PRKCH: variants seen among roughly 807,000 people sequenced by gnomAD.
The protein encoded by PRKCH is protein kinase C eta type.
In PRKCH, 28 loss-of-function variants were observed where a neutral mutation model predicts 82.5. That is an observed-to-expected ratio of 0.34 (90% CI 0.25 to 0.47). The LOEUF is 0.47. Ranked by LOEUF, PRKCH falls within the 20% of genes least tolerant of loss-of-function variation. The probability of loss-of-function intolerance (pLI) is 1.00; values close to 1 mark genes in which losing one functional copy is unlikely to be tolerated. For synonymous variants in PRKCH, 322 were observed against 327.4 expected (o/e 0.98, Z 0.18); for missense variants, 705 against 881.8 (o/e 0.80, Z 2.54).
At chr14:61,278,382 A>G (rs1355893256) in intron 1 of PRKCH, 1 of 152,244 alleles carries the variant, frequency 6.6e-6, no homozygotes, top group African/African-American at 2.4e-5. Flanking sequence ...TATGTAAATA[A>G]TGGGATAGAA....
At chr14:61,235,656 T>C (rs2044781525) in intron 1 of PRKCH, among the ~76,000 whole-genome samples, 1 of 152,242 alleles carries the variant, frequency 6.6e-6, no homozygotes, top group African/African-American at 2.4e-5. Flanking sequence ...GCAACCACTT[T>C]ACATAAAGCA....
At chr14:61,513,961 A>C (rs1482868047) in intron 10 of PRKCH, among the ~76,000 whole-genome samples, 2 of 152,100 alleles carry the variant, frequency 1.3e-5, no homozygotes, top group Non-Finnish European at 2.9e-5. Context: ...GAGGCCCAGA[A>C]AGGTGACAGA....
At position 61,204,494 on chromosome 14, in the gene PRKCH, C is replaced by A. The variant is rs556970045; in HGVS notation, c.-19+16826C>A. On this transcript the variant is annotated intron_variant, in intron 1 of 3. Transcript: ENST00000555185. ...AACAGGCCAGGTGCAGTGGCTCACA[C>A]CTGTAAACCCAGAACTTTGGGAGGC... is the stretch of plus-strand genomic sequence containing the variant. 7.8e-4 allele frequency among the ~76,000 whole-genome samples: 119 copies of A among 152,170 alleles called. 1 individual carries two copies. The highest frequency in any genetic ancestry group is 1.3e-3 in the Non-Finnish European group (89 of 68,002).
intron 1 of PRKCH, among the ~76,000 whole-genome samples, chr14:61,262,426 G>A (rs2045057506): frequency 6.6e-6 from 1 of 151,854 alleles, no homozygotes; most frequent in African/African-American, 2.4e-5. Context: ...AAAAGAAGCT[G>A]GATATAAAAG....
At chr14:61,259,645 A>G (rs1349610834) in intron 1 of PRKCH, among the ~76,000 whole-genome samples, 1 of 152,222 alleles carries the variant, frequency 6.6e-6, no homozygotes, top group Non-Finnish European at 1.5e-5. Context: ...TACTGTGAGA[A>G]ACACTAGCCT....
chr14:61,441,843 G>A (rs1030726371), intron 2 of PRKCH, among the ~76,000 whole-genome samples: 5 of 151,318 alleles, frequency 3.3e-5, no homozygotes, highest in Non-Finnish European at 7.4e-5. Context: ...AAGAGATGGG[G>A]CCTCAGTATA....
intron 1 of PRKCH, among the ~76,000 whole-genome samples, chr14:61,387,537 C>A (rs996846127): frequency 6.6e-6 from 1 of 152,194 alleles, no homozygotes; most frequent in Non-Finnish European, 1.5e-5. Context: ...AGAGAAAGAT[C>A]TGTCTATATT....
At chr14:61,202,434 T>A (rs2044488905) in intron 1 of PRKCH, among the ~76,000 whole-genome samples, 1 of 152,174 alleles carries the variant, frequency 6.6e-6, no homozygotes, top group Non-Finnish European at 1.5e-5. Context: ...CAGAAATGGG[T>A]ACACAATTTT....
chr14:61,502,065 C>CTTTTCT (rs1325529802), intron 10 of PRKCH, among the ~76,000 whole-genome samples: 4 of 6,418 alleles, frequency 6.2e-4, no homozygotes, highest in African/African-American at 1.5e-3. Flanking sequence ...CTTTTCTTTT[C>CTTTTCT]TTTTTTTTTT....
chr14:61,439,414 G>A (rs1009802583), intron 2 of PRKCH, among the ~76,000 whole-genome samples: 2 of 152,078 alleles, frequency 1.3e-5, no homozygotes, highest in Non-Finnish European at 2.9e-5. Flanking sequence ...GTCTTGCAAA[G>A]TCCCAGGTGT....
intron 1 of PRKCH, among the ~76,000 whole-genome samples, chr14:61,211,048 G>T (rs779537541): frequency 6.6e-6 from 1 of 152,154 alleles, no homozygotes; most frequent in Non-Finnish European, 1.5e-5. Flanking sequence ...GCAAACTGGA[G>T]CCCACCTGGA....
rs149230415 is a variant in PRKCH, at chr14:61,409,911, A to G, written c.427+18623A>G. On this transcript the variant is annotated intron_variant, in intron 2 of 13. Coordinates refer to ENST00000332981, the MANE Select transcript of PRKCH (RefSeq NM_006255.5). ...TCTGCCTTTTCCTCCTGTTACTAGG[A>G]GCTTGTTAGGTTTGGTCACCAGCCT... Among the ~76,000 whole-genome samples, 3 of 152,042 alleles carry G rather than the reference A, an allele frequency of 2.0e-5. No homozygotes were observed. In the East Asian group the frequency reaches 5.8e-4, roughly 29 times the overall value.
intron 1 of PRKCH, among the ~76,000 whole-genome samples, chr14:61,217,630 T>C (rs911651033): frequency 6.6e-5 from 10 of 152,142 alleles, no homozygotes; most frequent in Non-Finnish European, 1.0e-4. Context: ...CATCAGCTTC[T>C]TCCTCCTCAC....
At chr14:61,374,570 T>C (rs1019511309) in intron 1 of PRKCH, among the ~76,000 whole-genome samples, 1 of 152,094 alleles carries the variant, frequency 6.6e-6, no homozygotes, top group African/African-American at 2.4e-5. Context: ...TCTTGCCTTC[T>C]GTACACCCAC....
chr14:61,498,142 T>G (rs969622350), intron 10 of PRKCH, among the ~76,000 whole-genome samples: 3 of 152,130 alleles, frequency 2.0e-5, no homozygotes, highest in Non-Finnish European at 4.4e-5. Flanking sequence ...GCCTCCCAAG[T>G]GCCTGGGATT....
At chr14:61,384,650 G>A (rs1409832007) in intron 1 of PRKCH, among the ~76,000 whole-genome samples, 1 of 152,024 alleles carries the variant, frequency 6.6e-6, no homozygotes, top group Non-Finnish European at 1.5e-5. Context: ...GTTCAACACT[G>A]ATGGCTCTTT....
chr14:61,287,704 C>T (rs565106503), intron 1 of PRKCH, among the ~76,000 whole-genome samples: 95 of 151,528 alleles, frequency 6.3e-4, no homozygotes, highest in African/African-American at 2.0e-3. Flanking sequence ...AGTGAGATTC[C>T]GTCTCAAGGA....
chr14:61,222,211 T>G (rs1355684081), intron 1 of PRKCH, among the ~76,000 whole-genome samples: 1 of 152,248 alleles, frequency 6.6e-6, no homozygotes, highest in Non-Finnish European at 1.5e-5. Context: ...TGTGTTATTG[T>G]GTTTTAATCA....
intron 9 of PRKCH, among the ~76,000 whole-genome samples, chr14:61,480,558 G>T (rs1403250679): frequency 6.6e-6 from 1 of 152,208 alleles, no homozygotes; most frequent in Non-Finnish European, 1.5e-5. Context: ...TTTTGTAGCT[G>T]ATGTTGTTTT....
Sources: gnomAD v4.1 joint callset for allele counts (sites outside exome capture counted in the v4.1 genomes callset) on GRCh38, gnomAD v4.1.1 for gene constraint, MANE v1.5 for transcripts, NCBI Gene and HGNC (gene_info 2026-07-23, HGNC 2026-07-21) for gene names.